Variants in CALN1 observed in about 807,000 individuals in gnomAD.
CALN1 encodes calneuron 1, also known as calcium-binding protein 8.
Under a neutral mutation model 30.6 loss-of-function variants are expected in CALN1, and 17 were observed. That is an observed-to-expected ratio of 0.56 (90% CI 0.38 to 0.83). The LOEUF is 0.83. CALN1 is among the 40% of genes least tolerant of loss of function. The probability of loss-of-function intolerance (pLI) is 0.00; values close to 1 mark genes in which losing one functional copy is unlikely to be tolerated. For missense variants in CALN1, 291 were observed against 354.9 expected, an observed-to-expected ratio of 0.82 and a Z score of 1.45; for synonymous variants, 156 against 131.4, an observed-to-expected ratio of 1.19 and a Z score of -1.28.
At position 71,935,712 on chromosome 7, in the gene CALN1, ACTCCGT is replaced by A. The variant is rs559307684; in HGVS notation, c.501+87939_501+87944del. Among the ~76,000 whole-genome samples, 156 of 152,214 alleles carry A rather than the reference ACTCCGT, an allele frequency of 1.0e-3. 1 individual carries two copies. The highest frequency in any genetic ancestry group is 1.8e-3 in the Non-Finnish European group (123 of 68,010). On this transcript the variant is annotated intron_variant, in intron 5 of 6. Transcript: ENST00000395275. ...ACTCCGCCTGGGCAACAAGAGCGAA[ACTCCGT>A]CTCAAAAAACAGAAACAAAAAACAA...
intron 5 of CALN1, among the ~76,000 whole-genome samples, chr7:71,928,997 C>A (rs1795413261): frequency 6.6e-6 from 1 of 152,036 alleles, no homozygotes; most frequent in Non-Finnish European, 1.5e-5. Flanking sequence ...AATGGATTCA[C>A]CGATTTTTGA....
chr7:71,966,034 C>T (rs1797513999), intron 5 of CALN1, among the ~76,000 whole-genome samples: 1 of 147,662 alleles, frequency 6.8e-6, no homozygotes, highest in Admixed American at 6.7e-5. Flanking sequence ...ACACAATACT[C>T]AATAGAAAAA....
At chr7:72,283,427 C>T (rs958542359) in intron 2 of CALN1, among the ~76,000 whole-genome samples, 4 of 151,982 alleles carry the variant, frequency 2.6e-5, no homozygotes, top group South Asian at 2.1e-4. Context: ...CATAGCTACT[C>T]CGGAGGCTGA....
At chr7:72,415,826 A>G (rs975258308), upstream of CALN1, among the ~76,000 whole-genome samples, 1 of 152,160 alleles carries the variant, frequency 6.6e-6, no homozygotes, top group Non-Finnish European at 1.5e-5. Flanking sequence ...CTGGACGGTG[A>G]CACCGCCTGC....
chr7:71,788,057 T>C (rs988432075), intron 6 of CALN1, among the ~76,000 whole-genome samples, 155 bp from the exon 7 acceptor site: 4 of 152,160 alleles, frequency 2.6e-5, no homozygotes, highest in Admixed American at 2.0e-4. Context: ...TGACAGGCAT[T>C]TATGGGACCA....
At chr7:72,176,886 A>G (rs1477798494) in intron 3 of CALN1, among the ~76,000 whole-genome samples, 2 of 152,132 alleles carry the variant, frequency 1.3e-5, no homozygotes, top group Non-Finnish European at 2.9e-5. Flanking sequence ...AAGAACACTT[A>G]CACTGAAGAT....
chr7:72,327,024 G>A (rs1801325057), intron 2 of CALN1, among the ~76,000 whole-genome samples: 1 of 152,182 alleles, frequency 6.6e-6, no homozygotes, highest in Non-Finnish European at 1.5e-5. Context: ...TAGTAATTCT[G>A]CTGAATCACA....
intron 3 of CALN1, among the ~76,000 whole-genome samples, chr7:72,199,211 G>A (rs1791244073): frequency 6.6e-6 from 1 of 152,214 alleles, no homozygotes; most frequent in Non-Finnish European, 1.5e-5. Flanking sequence ...AGAGGTGAAG[G>A]TTGCAGTGAG....
chr7:72,370,578 C>T (rs929337320), intron 2 of CALN1, among the ~76,000 whole-genome samples: 4 of 149,694 alleles, frequency 2.7e-5, no homozygotes, highest in African/African-American at 4.9e-5. Flanking sequence ...GGTGTGAACC[C>T]GGGAGGCGGA....
intron 3 of CALN1, among the ~76,000 whole-genome samples, chr7:72,199,256 C>T (rs1478469255): frequency 1.3e-5 from 2 of 152,182 alleles, no homozygotes; most frequent in African/African-American, 4.8e-5. Flanking sequence ...GCCTGGATGA[C>T]AGAGCGAGAC....
the CALN1 span, among the ~76,000 whole-genome samples, chr7:72,455,725 T>C: frequency 6.6e-6 from 1 of 152,058 alleles, no homozygotes; most frequent in African/African-American, 2.4e-5. Context: ...GAGGCGAGAT[T>C]GCTCCTGACC....
chr7:72,157,375 C>T (rs568227305), intron 3 of CALN1, among the ~76,000 whole-genome samples: 1 of 152,058 alleles, frequency 6.6e-6, no homozygotes, highest in Non-Finnish European at 1.5e-5. Flanking sequence ...CTTTAAGAGG[C>T]CAAGACAGGA....
intron 1 of CALN1, among the ~76,000 whole-genome samples, chr7:72,404,175 G>A (rs182128449): frequency 1.2e-4 from 18 of 152,104 alleles, no homozygotes; most frequent in Non-Finnish European, 4.4e-5. Flanking sequence ...CCTCTCCCTT[G>A]GTTGGGTTAA....
chr7:71,837,242 A>C (rs76824195), intron 5 of CALN1, among the ~76,000 whole-genome samples: 75 of 87,268 alleles, frequency 8.6e-4, no homozygotes, highest in African/African-American at 2.7e-3. Flanking sequence ...AAAAAAAAAG[A>C]CAAAAAAAAA....
At chr7:72,312,418 A>C (rs1283000204) in intron 2 of CALN1, among the ~76,000 whole-genome samples, 1 of 148,240 alleles carries the variant, frequency 6.7e-6, no homozygotes. Flanking sequence ...AAAAAAAAGT[A>C]AGTCACTTCC....
At chr7:72,249,356 T>C (rs964941021) in intron 3 of CALN1, among the ~76,000 whole-genome samples, 1 of 152,090 alleles carries the variant, frequency 6.6e-6, no homozygotes, top group Non-Finnish European at 1.5e-5. Context: ...CAGGCAAGCA[T>C]TTCCACTCTC....
intron 3 of CALN1, among the ~76,000 whole-genome samples, chr7:72,224,353 T>G (rs1254018726): frequency 6.6e-6 from 1 of 152,064 alleles, no homozygotes; most frequent in Non-Finnish European, 1.5e-5. Context: ...AGTTCCTAAG[T>G]CATATGGAAG....
At chr7:72,164,976 T>C (rs918689574) in intron 3 of CALN1, among the ~76,000 whole-genome samples, 8 of 152,186 alleles carry the variant, frequency 5.3e-5, no homozygotes, top group Non-Finnish European at 8.8e-5. Context: ...ATTACAGGCA[T>C]AAGCCACTGC....
intron 2 of CALN1, among the ~76,000 whole-genome samples, chr7:72,296,549 TG>T (rs2129555319): frequency 6.7e-6 from 1 of 149,230 alleles, no homozygotes; most frequent in East Asian, 2.0e-4. Context: ...CTCCTGTTAT[TG>T]GTCTATTCAG....
Sources: allele counts gnomAD v4.1 joint callset (sites outside exome capture counted in the v4.1 genomes callset), GRCh38; gene constraint gnomAD v4.1.1; transcripts MANE v1.5; gene names NCBI Gene and HGNC (gene_info 2026-07-23, HGNC 2026-07-21).